TGFBR2: variants seen among roughly 807,000 people sequenced by gnomAD.
TGFBR2 encodes the protein TGF-beta receptor type-2.
A neutral mutation model predicts 49.0 loss-of-function variants in TGFBR2; 18 were observed. That is an observed-to-expected ratio of 0.37 (90% CI 0.25 to 0.54). The LOEUF (loss-of-function observed/expected upper bound fraction) is 0.54, where lower values mean the gene tolerates loss of function less well. Among genes scored for constraint, TGFBR2 ranks in the 20% least tolerant of loss-of-function variants. The pLI is 0.85. For missense variants in TGFBR2, 525 were observed against 722.6 expected, an observed-to-expected ratio of 0.73 and a Z score of 3.13; for synonymous variants, 282 against 275.9, an observed-to-expected ratio of 1.02 and a Z score of -0.22.
chr3:30,651,939 T>C (rs572413220), intron 3 of TGFBR2, among the ~76,000 whole-genome samples: 61 of 152,378 alleles, frequency 4.0e-4, no homozygotes, highest in African/African-American at 1.4e-3. Flanking sequence ...AAATGCTGGC[T>C]CTACACCCTA....
intron 3 of TGFBR2, among the ~76,000 whole-genome samples, chr3:30,666,639 C>T (rs189369703): frequency 3.0e-5 from 4 of 135,250 alleles, no homozygotes; most frequent in Non-Finnish European, 6.4e-5. Context: ...CCTACCCCCC[C>T]ATCCCCGCCC....
rs1698856307 is a variant in TGFBR2 at position 30,650,317 on chromosome 3, C to G, written c.311C>G (p.Pro104Arg). 4 of 1,614,048 alleles carry G rather than the reference C, an allele frequency of 2.5e-6. No homozygotes were observed. The highest frequency in any genetic ancestry group is 3.4e-6 in the Non-Finnish European group (4 of 1,179,966). The change falls in exon 3 of 7, where the codon CCC becomes CGC. Residue 104 changes from proline (P) to arginine (R), a missense_variant. By Grantham distance (103) the Pro-to-Arg change is moderately radical. This residue lies in a region of TGFBR2 where 376 missense variants were observed against 478.2 expected (regional missense o/e 0.79). Transcript: ENST00000295754. ...NITLETVCHD[P>R]KLPYHDFILE... ...ACACTAGAGACAGTTTGCCATGACC[C>G]CAAGCTCCCCTACCATGACTTTATT... is the stretch of plus-strand genomic sequence containing the variant.
intron 1 of TGFBR2, among the ~76,000 whole-genome samples, chr3:30,618,583 C>T (rs1330130160): frequency 6.6e-6 from 1 of 152,128 alleles, no homozygotes; most frequent in African/African-American, 2.4e-5. Flanking sequence ...TCATGTTTAC[C>T]TCATTAGGCA....
intron 1 of TGFBR2, among the ~76,000 whole-genome samples, chr3:30,620,706 A>C (rs1233251140): frequency 6.6e-6 from 1 of 152,058 alleles, no homozygotes; most frequent in African/African-American, 2.4e-5. Flanking sequence ...TCATAAAGTA[A>C]ATCACACCAT....
At chr3:30,660,534 C>T (rs1339595754) in intron 3 of TGFBR2, among the ~76,000 whole-genome samples, 1 of 152,166 alleles carries the variant, frequency 6.6e-6, no homozygotes, top group African/African-American at 2.4e-5. Flanking sequence ...CACGTTCCCC[C>T]TGTAGCCTGG....
intron 1 of TGFBR2, among the ~76,000 whole-genome samples, chr3:30,623,484 G>T (rs533341841): frequency 6.6e-6 from 1 of 152,208 alleles, no homozygotes; most frequent in Non-Finnish European, 1.5e-5. Flanking sequence ...TAAGACTGGA[G>T]AATTTCTTCT....
In TGFBR2 at chr3:30,606,653, G is replaced by A. The variant is rs927387693; in HGVS notation, c.-231G>A. ...CCGCGCGTGCACCCGCTCGGGACAG[G>A]AGCCGGACTCCTGTGCAGCTTCCCT... On this transcript the variant is annotated 5_prime_UTR_variant, in exon 1 of 7. Transcript: ENST00000295754. The A allele has an allele frequency of 2.7e-6, 1 of 372,360 alleles. No homozygotes were observed. The highest frequency in any genetic ancestry group is 4.8e-6 in the Non-Finnish European group (1 of 208,220). The allele number at this position is 372,360 out of a possible 1,614,324, so 23.1% of individuals were successfully genotyped here. A position where few individuals can be genotyped will look rare whatever the true frequency, so the allele number is the denominator to read the frequency against.
chr3:30,671,224 G>A (rs999769844), intron 3 of TGFBR2, among the ~76,000 whole-genome samples: 1 of 152,196 alleles, frequency 6.6e-6, no homozygotes, highest in Non-Finnish European at 1.5e-5. Flanking sequence ...CTTCCAGCAT[G>A]GAGTTCCCTG....
intron 1 of TGFBR2, among the ~76,000 whole-genome samples, chr3:30,627,048 T>A (rs1160984435): frequency 6.6e-6 from 1 of 152,116 alleles, no homozygotes; most frequent in Non-Finnish European, 1.5e-5. Flanking sequence ...GATGGGAAGA[T>A]AGGAAATCCC....
intron 1 of TGFBR2, among the ~76,000 whole-genome samples, chr3:30,633,406 G>A (rs1441992285): frequency 6.6e-6 from 1 of 152,188 alleles, no homozygotes; most frequent in East Asian, 1.9e-4. Flanking sequence ...GAACTGAAAT[G>A]TGATTATACA....
At position 30,672,545 on chromosome 3, in the gene TGFBR2, C is replaced by G. The variant is rs1419302455; in HGVS notation, c.1254+108C>G. 2.4e-6 allele frequency: 3 copies of G among 1,264,672 alleles called. No individual in the cohort carries two copies. Among genetic ancestry groups the G allele is most frequent in the Non-Finnish European group, 2.3e-6 (2 of 867,238 alleles). The allele number at this position is 1,264,672 out of a possible 1,614,324, so 78.3% of individuals were successfully genotyped here. On this transcript the variant is annotated intron_variant, in intron 4 of 6. Transcript: ENST00000295754. The surrounding 1 kb of genome is among the most constrained non-coding windows in gnomAD (Gnocchi z 4.5). ...CTCAAACAGCCCTGTACTCTGGACA[C>G]TGGTCTAGGGAATCTAGCCAAAGTA...
chr3:30,667,233 T>A (rs1375017014), intron 3 of TGFBR2, among the ~76,000 whole-genome samples: 1 of 152,236 alleles, frequency 6.6e-6, no homozygotes, highest in African/African-American at 2.4e-5. Context: ...GTGTTCAGTT[T>A]ATGAGTTTCT....
At chr3:30,623,378 C>T (rs1239802371) in intron 1 of TGFBR2, 43 of 1,399,778 alleles carry the variant, frequency 3.1e-5, no homozygotes, top group East Asian at 6.9e-5. Flanking sequence ...ATAGTCTCCT[C>T]GTATTTTCAT....
chr3:30,648,053 T>C lies in TGFBR2; in HGVS notation c.264-2217T>C, dbSNP rs1325006938. On this transcript the variant is annotated intron_variant, in intron 2 of 6. Coordinates refer to ENST00000295754, the MANE Select transcript of TGFBR2 (RefSeq NM_003242.6). The stretch of plus-strand genomic sequence containing the variant: ...CTCTTCAGTGGCTCAGAGCAAATGT[T>C]GCAGGACAAAAAAAGAAGTCCGTAT... Among the ~76,000 whole-genome samples, 3 of 152,106 alleles carry C rather than the reference T, an allele frequency of 2.0e-5. No homozygotes were observed. The East Asian group carries it at 5.8e-4, about 29-fold the overall frequency.
chr3:30,649,627 T>G (rs889146347), intron 2 of TGFBR2, among the ~76,000 whole-genome samples: 3 of 152,222 alleles, frequency 2.0e-5, no homozygotes, highest in Admixed American at 1.3e-4. Flanking sequence ...TGTTTGTTTG[T>G]TTTTTCTGAA....
At chr3:30,640,781 A>G (rs1413194971) in intron 1 of TGFBR2, among the ~76,000 whole-genome samples, 2 of 152,196 alleles carry the variant, frequency 1.3e-5, no homozygotes, top group Admixed American at 6.5e-5. Flanking sequence ...AGACTAATAT[A>G]ACAATCTGGA....
intron 2 of TGFBR2, among the ~76,000 whole-genome samples, chr3:30,649,078 A>T (rs1486825538): frequency 6.6e-6 from 1 of 152,132 alleles, no homozygotes; most frequent in Non-Finnish European, 1.5e-5. Flanking sequence ...GAGTGAGTAC[A>T]TGCATGCATT....
At chr3:30,647,053 G>A (rs1468156389) in intron 2 of TGFBR2, among the ~76,000 whole-genome samples, 1 of 152,266 alleles carries the variant, frequency 6.6e-6, no homozygotes. Context: ...AGAAGGGGAA[G>A]TATAGGGTAC....
At position 30,671,517 on chromosome 3, in the gene TGFBR2, T is replaced by C. The variant is rs1178789615; in HGVS notation, c.455-121T>C. ...ATCCCTGAAATAAAAATTAACAATA[T>C]CGTATCTACAAAAACTATGCAGATG... On this transcript the variant is annotated intron_variant, in intron 3 of 6. Transcript: ENST00000295754. 4 of 985,076 alleles carry C rather than the reference T, an allele frequency of 4.1e-6. No individual in the cohort carries two copies. In the African/African-American group the frequency reaches 6.4e-5, roughly 16 times the overall value. 61.0% of individuals were successfully genotyped at this position (985,076 alleles called of 1,614,324 possible).
Sources: allele counts gnomAD v4.1 joint callset (sites outside exome capture counted in the v4.1 genomes callset), GRCh38; gene constraint gnomAD v4.1.1; regional missense constraint gnomAD v4.1.1; non-coding constraint Gnocchi (gnomAD v3.1); transcripts MANE v1.5; gene names NCBI Gene and HGNC (gene_info 2026-07-23, HGNC 2026-07-21).